CNOT6: variants seen among roughly 807,000 people sequenced by gnomAD.
CNOT6 encodes carbon catabolite repression 4 protein.
Under a neutral mutation model 61.2 loss-of-function variants are expected in CNOT6, and 12 were observed. That is an observed-to-expected ratio of 0.20 (90% CI 0.13 to 0.32). The LOEUF (loss-of-function observed/expected upper bound fraction) is 0.32, where lower values mean the gene tolerates loss of function less well. Among genes scored for constraint, CNOT6 ranks in the 10% least tolerant of loss-of-function variants. CNOT6 has a pLI of 1.00. For missense variants in CNOT6, 405 were observed against 663.9 expected (o/e 0.61, Z 4.28); for synonymous variants, 225 against 240.6 (o/e 0.94, Z 0.60).
chr5:180,557,741 G>C (rs1759971004), intron 4 of CNOT6, among the ~76,000 whole-genome samples: 1 of 152,134 alleles, frequency 6.6e-6, no homozygotes, highest in African/African-American at 2.4e-5. Flanking sequence ...TGTGGATCCT[G>C]ATTCTTGTTT....
At position 180,578,019 on chromosome 5, in the gene CNOT6, A is replaced by G. The variant is rs1318259700; in HGVS notation, c.*3819A>G. On this transcript the variant is annotated 3_prime_UTR_variant, in exon 12 of 12. Transcript: ENST00000261951. ...AGCTGTAGTACTGAGGTTTGAGGAA[A>G]AATAAATGTTGATCAGCAGACCACG... 1 of 152,668 alleles carries G rather than the reference A, an allele frequency of 6.6e-6. No homozygotes were observed. The highest frequency in any genetic ancestry group is 1.5e-5 in the Non-Finnish European group (1 of 68,048). 9.5% of individuals were successfully genotyped at this position (152,668 alleles called of 1,614,324 possible). A position where few individuals can be genotyped will look rare whatever the true frequency, so the allele number is the denominator to read the frequency against.
At position 180,528,849 on chromosome 5, in the gene CNOT6, A is replaced by G. The variant is rs190621251; in HGVS notation, c.-2-426A>G. ...TCTTGTCCTGTGCTTGGAATAATCA[A>G]TTTCTGCAAGAAGCTCCTAGTTTCT... On this transcript the variant is annotated intron_variant, in intron 1 of 11. Transcript: ENST00000261951. 2.6e-5 allele frequency among the ~76,000 whole-genome samples: 4 copies of G among 152,160 alleles called. No homozygotes were observed. The East Asian group carries it at 5.8e-4, about 22-fold the overall frequency.
intron 11 of CNOT6, among the ~76,000 whole-genome samples, chr5:180,573,633 G>A (rs1197336760): frequency 6.8e-6 from 1 of 147,830 alleles, no homozygotes; most frequent in East Asian, 2.1e-4. Context: ...GGGCAGGAAA[G>A]AACTTGGTAC....
intron 1 of CNOT6, among the ~76,000 whole-genome samples, chr5:180,504,339 T>G (rs1757029336): frequency 6.6e-6 from 1 of 152,214 alleles, no homozygotes; most frequent in South Asian, 2.1e-4. Context: ...TTTGTAGTTT[T>G]AAGGGGAAAA....
At chr5:180,543,508 C>G (rs924403344) in intron 2 of CNOT6, among the ~76,000 whole-genome samples, 1 of 152,098 alleles carries the variant, frequency 6.6e-6, no homozygotes, top group African/African-American at 2.4e-5. Flanking sequence ...ATGAATGAAA[C>G]GTAATTCAGT....
chr5:180,505,288 C>T (rs1581467950), intron 1 of CNOT6, among the ~76,000 whole-genome samples: 1 of 90,666 alleles, frequency 1.1e-5, no homozygotes, highest in Admixed American at 1.5e-4. Flanking sequence ...CGGAGTCTGG[C>T]TCTGTCGCCC....
intron 2 of CNOT6, among the ~76,000 whole-genome samples, chr5:180,541,611 C>T (rs1430482630): frequency 2.0e-5 from 3 of 151,052 alleles, no homozygotes; most frequent in Non-Finnish European, 2.9e-5. Context: ...TGCCATCACG[C>T]CTGGCTAATT....
rs1435085689 is a variant in CNOT6 at position 180,567,015 on chromosome 5, A to G, written c.718-73A>G. 48 of 1,354,268 alleles carry G rather than the reference A, an allele frequency of 3.5e-5. 1 individual carries two copies. The South Asian group carries it at 6.8e-4, about 19-fold the overall frequency. 83.9% of individuals were successfully genotyped at this position (1,354,268 alleles called of 1,614,324 possible). A position where few individuals can be genotyped will look rare whatever the true frequency, so the allele number is the denominator to read the frequency against. On this transcript the variant is annotated intron_variant, in intron 7 of 11. Coordinates refer to ENST00000261951, the MANE Select transcript of CNOT6 (RefSeq NM_001370472.1). ...CCTTTGAAATTATTTCAAGCTCTCA[A>G]ACTATACATAGAAGTTAATATGCAG...
At position 180,564,660 on chromosome 5, in the gene CNOT6, T is replaced by G. The variant is rs368836088; in HGVS notation, c.491-15T>G. 6.2e-7 allele frequency: 1 copy of G among 1,612,734 alleles called. No homozygotes were observed. Among genetic ancestry groups the G allele is most frequent in the Non-Finnish European group, 8.5e-7 (1 of 1,178,734 alleles). The stretch of plus-strand genomic sequence containing the variant: ...GTAAGAATATTGCTTAATTCTGTAT[T>G]TTCTATTCAACTAGTTACAACAGAA... On this transcript the variant is annotated splice_polypyrimidine_tract_variant and intron_variant, in intron 5 of 11. Transcript: ENST00000261951.
At chr5:180,530,268 C>A (rs1005685878) in intron 2 of CNOT6, among the ~76,000 whole-genome samples, 7 of 152,168 alleles carry the variant, frequency 4.6e-5, no homozygotes, top group Non-Finnish European at 1.0e-4. Context: ...TTTTACCTGG[C>A]GCTGGCCCAC....
rs1554104989 is a variant in CNOT6 at position 180,577,163 on chromosome 5, A to ATTGTG, written c.*2964_*2965insTGTGT. On this transcript the variant is annotated 3_prime_UTR_variant, in exon 12 of 12. Transcript: ENST00000261951. ...AGATAGGCAGAGAACATCTCCAGAA[A>ATTGTG]TGTGTGTGTGTGTGTGTGTGTGTGT... is the stretch of plus-strand genomic sequence containing the variant. The ATTGTG allele has an allele frequency of 4.1e-5, 6 of 145,656 alleles. No homozygotes were observed. The highest frequency in any genetic ancestry group is 7.6e-5 in the African/African-American group (3 of 39,318). 9.0% of individuals were successfully genotyped at this position (145,656 alleles called of 1,614,324 possible).
intron 2 of CNOT6, among the ~76,000 whole-genome samples, chr5:180,540,835 T>C (rs1325720653): frequency 6.6e-6 from 1 of 152,180 alleles, no homozygotes; most frequent in African/African-American, 2.4e-5. Context: ...TACATTGTTA[T>C]TTTACTTTAA....
intron 1 of CNOT6, among the ~76,000 whole-genome samples, chr5:180,503,701 G>T (rs1756996406): frequency 6.9e-6 from 1 of 145,356 alleles, no homozygotes; most frequent in African/African-American, 2.5e-5. Flanking sequence ...TGCATCCCGG[G>T]TTCAAGCGAT....
chr5:180,508,424 G>A (rs1176243421), intron 1 of CNOT6, among the ~76,000 whole-genome samples: 2 of 152,116 alleles, frequency 1.3e-5, no homozygotes, highest in Non-Finnish European at 2.9e-5. Context: ...CGATTCACCT[G>A]CCTCAGCCTC....
chr5:180,510,134 C>CTTTTTTTTTTTTT (rs56899929), intron 1 of CNOT6, among the ~76,000 whole-genome samples: 3 of 37,382 alleles, frequency 8.0e-5, no homozygotes, highest in Non-Finnish European at 9.6e-5. Flanking sequence ...GTCTGTAAAC[C>CTTTTTTTTTTTTT]TTTTTTTTTT....
intron 2 of CNOT6, among the ~76,000 whole-genome samples, chr5:180,538,715 T>TATATATATATATAC (rs1491215146): frequency 6.5e-5 from 9 of 138,388 alleles, no homozygotes; most frequent in East Asian, 6.4e-4. Flanking sequence ...TATATATATA[T>TATATATATATATAC]ACAAAAAAAT....
chr5:180,515,708 A>T (rs1387599694), intron 1 of CNOT6, among the ~76,000 whole-genome samples: 1 of 152,056 alleles, frequency 6.6e-6, no homozygotes, highest in Non-Finnish European at 1.5e-5. Context: ...CAGTAGCTCT[A>T]AGGAGCCTGA....
chr5:180,526,618 A>G (rs1049682227), intron 1 of CNOT6, among the ~76,000 whole-genome samples: 4 of 152,196 alleles, frequency 2.6e-5, no homozygotes, highest in Admixed American at 2.6e-4. Context: ...GGCAGTATAC[A>G]GAGTCTGAGG....
chr5:180,537,461 T>G (rs978543415), intron 2 of CNOT6, among the ~76,000 whole-genome samples: 10 of 152,216 alleles, frequency 6.6e-5, no homozygotes, highest in African/African-American at 2.4e-4. Context: ...TTTGCCCGTT[T>G]TTAAATTGGG....
Sources: allele counts gnomAD v4.1 joint callset (sites outside exome capture counted in the v4.1 genomes callset), GRCh38; gene constraint gnomAD v4.1.1; transcripts MANE v1.5; gene names NCBI Gene and HGNC (gene_info 2026-07-23, HGNC 2026-07-21).